Variants in RAPGEF3 observed in about 807,000 individuals in gnomAD.
RAPGEF3 encodes 9330170P05Rik.
Under a neutral mutation model 129.8 loss-of-function variants are expected in RAPGEF3, and 103 were observed. That is an observed-to-expected ratio of 0.79 (90% CI 0.68 to 0.93). The LOEUF (loss-of-function observed/expected upper bound fraction) is 0.93, where lower values mean the gene tolerates loss of function less well. RAPGEF3 is among the 40% of genes least tolerant of loss of function. RAPGEF3 has a pLI of 0.00. For synonymous variants in RAPGEF3, 436 were observed against 482.6 expected (o/e 0.90, Z 1.26); for missense variants, 1,117 against 1,207.4 (o/e 0.93, Z 1.11).
Position 47,749,731 on chromosome 12 carries a change from G to C in RAPGEF3, c.894+10C>G, listed in dbSNP as rs921416706. On this transcript the variant is annotated intron_variant, in intron 9 of 27. Transcript: ENST00000449771. The surrounding 1 kb of genome is among the most constrained non-coding windows in gnomAD (Gnocchi z 4.5). Reference sequence around the variant, plus strand: ...CCAGGGCACTGGGGTGGGGAGGAGGGAGGGCTCACCTTGCCATGGGTCACC... The same window carrying C: ...CCAGGGCACTGGGGTGGGGAGGAGGCAGGGCTCACCTTGCCATGGGTCACC... The C allele has an allele frequency of 6.2e-7, 1 of 1,614,092 alleles. No individual in the cohort carries two copies.
intron 7 of RAPGEF3, among the ~76,000 whole-genome samples, 167 bp downstream of exon 7, chr12:47,750,174 A>T (rs1208178220): frequency 6.6e-6 from 1 of 152,238 alleles, no homozygotes; most frequent in African/African-American, 2.4e-5. Context: ...AGAGAGGCGG[A>T]AGGATTTTCA....
In RAPGEF3 at chr12:47,757,848, C is replaced by G. The variant is rs1205042630; in HGVS notation, c.219+18G>C. On this transcript the variant is annotated intron_variant, in intron 2 of 27. Coordinates refer to ENST00000449771, the MANE Select transcript of RAPGEF3 (RefSeq NM_001098531.4). ...TCTGGTACTGGCCCTGGCACCTGGGCAGGTGAAAGGTACTCACCCAGCGCA... is the reference window on the plus strand; with the variant it reads ...TCTGGTACTGGCCCTGGCACCTGGGGAGGTGAAAGGTACTCACCCAGCGCA... 1.3e-6 allele frequency: 2 copies of G among 1,545,460 alleles called. No individual in the cohort carries two copies. The highest frequency in any genetic ancestry group is 2.7e-5 in the African/African-American group (2 of 73,106).
chr12:47,758,626 CA>C lies in RAPGEF3; in HGVS notation c.-71del. ...CTGGGGGGTCCCCAGCGACCCCCAT[CA>C]GCTTTGATAAGGGGATCCGGAGGGT... On this transcript the variant is annotated 5_prime_UTR_variant, in exon 1 of 28. Coordinates refer to ENST00000449771, the MANE Select transcript of RAPGEF3 (RefSeq NM_001098531.4). 6.2e-7 allele frequency: 1 copy of C among 1,607,332 alleles called. No individual in the cohort carries two copies. The highest frequency in any genetic ancestry group is 8.5e-7 in the Non-Finnish European group (1 of 1,176,334).
In RAPGEF3 at chr12:47,749,325, C is replaced by G; in HGVS notation, c.1041+65G>C. 1 of 1,195,092 alleles carries G rather than the reference C, an allele frequency of 8.4e-7. No homozygotes were observed. The highest frequency in any genetic ancestry group is 1.2e-6 in the Non-Finnish European group (1 of 824,744). The allele number at this position is 1,195,092 out of a possible 1,614,324, so 74.0% of individuals were successfully genotyped here. A position where few individuals can be genotyped will look rare whatever the true frequency, so the allele number is the denominator to read the frequency against. On this transcript the variant is annotated intron_variant, in intron 10 of 27. Coordinates refer to ENST00000449771, the MANE Select transcript of RAPGEF3 (RefSeq NM_001098531.4). This position sits in a 1 kb window ranked among gnomAD's most constrained non-coding sequence, Gnocchi z 4.5. ...TACAGGCCCTCTGCTCTGGTCCCTA[C>G]TCCTCTCTCCACATCACTTCTCTGG... is the stretch of plus-strand genomic sequence containing the variant.
chr12:47,741,247 T>C (rs117510262), intron 19 of RAPGEF3: 10,807 of 740,976 alleles, frequency 0.015, 129 homozygotes, highest in Non-Finnish European at 0.018. Context: ...GGCTCCTGTC[T>C]CCTGGGGAAC....
Position 47,735,561 on chromosome 12 carries a change from A to G in RAPGEF3, c.*2006T>C, listed in dbSNP as rs2240079. The stretch of plus-strand genomic sequence containing the variant: ...GTCTCTCCCAACAGGCTCAAAAGCC[A>G]TCCTGCCCGAGACTGGGGCAGCTGG... On this transcript the variant is annotated 3_prime_UTR_variant, in exon 28 of 28. Transcript: ENST00000449771. 38,316 of 152,366 alleles carry G rather than the reference A, an allele frequency of 0.25. 5,072 individuals are homozygous for G. Among genetic ancestry groups the G allele is most frequent in the Middle Eastern group, 0.33 (97 of 294 alleles). The allele number at this position is 152,366 out of a possible 1,614,324, so 9.4% of individuals were successfully genotyped here.
intron 19 of RAPGEF3, 146 bp downstream of exon 19, chr12:47,741,359 C>T: frequency 1.3e-6 from 1 of 789,168 alleles, no homozygotes; most frequent in Non-Finnish European, 2.1e-6. Flanking sequence ...TCAGCTGAGG[C>T]CCACTCCTTT....
chr12:47,756,736 C>T (rs559115913), intron 2 of RAPGEF3, among the ~76,000 whole-genome samples: 3 of 152,152 alleles, frequency 2.0e-5, no homozygotes, highest in East Asian at 3.9e-4. Flanking sequence ...TTTGGGAGGG[C>T]GAGGTGGGCA....
In RAPGEF3 at chr12:47,740,650, C is replaced by T. The variant is rs1941092548; in HGVS notation, c.2223G>A (p.Leu741=). The T allele has an allele frequency of 6.8e-6, 11 of 1,613,414 alleles. No individual in the cohort carries two copies. Among genetic ancestry groups the T allele is most frequent in the Middle Eastern group, 1.6e-4 (1 of 6,084 alleles). The part of the protein sequence containing the change: ...RAQLLRKFIK[L]AAHLKEQKNL... ...ACTGGACAGGGACTCACTGGGCCGC[C>T]AGCTTAATGAACTTCCTGAGCAGCT... The change falls in exon 21 of 28, where the codon CTG becomes CTA. Residue 741 remains leucine, a synonymous_variant. Coordinates refer to ENST00000449771, the MANE Select transcript of RAPGEF3 (RefSeq NM_001098531.4).
rs767607842 is a variant in RAPGEF3, at chr12:47,750,488, A to G, written c.672-63T>C. 29 of 1,439,516 alleles carry G rather than the reference A, an allele frequency of 2.0e-5. No individual in the cohort carries two copies. In the Middle Eastern group the frequency reaches 2.7e-3, roughly 132 times the overall value. 89.2% of individuals were successfully genotyped at this position (1,439,516 alleles called of 1,614,324 possible). A position where few individuals can be genotyped will look rare whatever the true frequency, so the allele number is the denominator to read the frequency against. On this transcript the variant is annotated intron_variant, in intron 6 of 27. Coordinates refer to ENST00000449771, the MANE Select transcript of RAPGEF3 (RefSeq NM_001098531.4). ...GTGGGCCCGTCAGGTGCAGGGAGCCACTCCACCCACCCAGCCGATGCCTGT... is the reference window on the plus strand; with the variant it reads ...GTGGGCCCGTCAGGTGCAGGGAGCCGCTCCACCCACCCAGCCGATGCCTGT...
chr12:47,739,208 A>G lies in RAPGEF3; in HGVS notation c.2396T>C (p.Val799Ala), dbSNP rs1434320182. ...GAGCTTGGCGAGGGCCAGTCGGTAT[A>G]CCCGGTGGTTCCATGAGGGATCCTA... Reference protein sequence around the residue: ...RLLDPSWNHRVYRLALAKLSP... With the variant: ...RLLDPSWNHRAYRLALAKLSP... Residue 799 changes from valine (V) to alanine (A), a missense_variant, in exon 24 of 28, where the codon GTA becomes GCA. Transcript: ENST00000449771. 1 of 1,611,940 alleles carries G rather than the reference A, an allele frequency of 6.2e-7. No homozygotes were observed. Among genetic ancestry groups the G allele is most frequent in the Non-Finnish European group, 8.5e-7 (1 of 1,178,574 alleles).
intron 1 of RAPGEF3, 48 bp from the exon 2 acceptor site, chr12:47,758,126 G>A (rs760255615): frequency 2.3e-5 from 35 of 1,529,662 alleles, no homozygotes; most frequent in East Asian, 1.2e-4. Context: ...CGACTGGGGC[G>A]GCTGGGCCAC....
chr12:47,747,057 G>A (rs1334768303), intron 15 of RAPGEF3, among the ~76,000 whole-genome samples, 158 bp from the exon 16 acceptor site: 1 of 152,180 alleles, frequency 6.6e-6, no homozygotes, highest in Non-Finnish European at 1.5e-5. Flanking sequence ...ACACGGTCTT[G>A]AAACCAGGCC....
chr12:47,739,491 G>A, intron 23 of RAPGEF3: 1 of 672,354 alleles, frequency 1.5e-6, no homozygotes, highest in South Asian at 1.5e-5. Context: ...TCACCTCTCT[G>A]TCCCTTTCTA....
chr12:47,751,154 G>C lies in RAPGEF3; in HGVS notation c.565C>G (p.Pro189Ala), dbSNP rs1240401480. Residue 189 changes from proline to alanine, a missense_variant, in exon 6 of 28, where the codon CCC becomes GCC. Pro to Ala is a conservative substitution (Grantham distance 27). Transcript: ENST00000449771. ...AQFYRFPGPE[P>A]EPVRTHEMEE... is the part of the protein sequence containing the mutation. ...ATCTCATGAGTTCTCACGGGCTCGG[G>C]CTCGGGCCCGGGGAACCGGTAGAAT... is the stretch of plus-strand genomic sequence containing the variant. 1 of 1,558,344 alleles carries C rather than the reference G, an allele frequency of 6.4e-7. No homozygotes were observed. The highest frequency in any genetic ancestry group is 1.2e-5 in the South Asian group (1 of 84,538).
Position 47,749,755 on chromosome 12 carries a change from C to T in RAPGEF3, c.880G>A (p.Val294Met), listed in dbSNP as rs763247391. The T allele has an allele frequency of 5.6e-6, 9 of 1,614,060 alleles. No homozygotes were observed. The highest frequency in any genetic ancestry group is 1.3e-5 in the African/African-American group (1 of 74,914). Residue 294 changes from valine to methionine, a missense_variant, in exon 9 of 28, where the codon GTG (valine) becomes ATG (methionine). By Grantham distance (21) the Val-to-Met change is conservative (BLOSUM62 1). Coordinates refer to ENST00000449771, the MANE Select transcript of RAPGEF3 (RefSeq NM_001098531.4). The surrounding 1 kb of genome is among the most constrained non-coding windows in gnomAD (Gnocchi z 4.5). Reference sequence around the variant, plus strand: ...GGAGGGCTCACCTTGCCATGGGTCACCACGTTGACAGATCCCTTCCAGATA... The same window carrying T: ...GGAGGGCTCACCTTGCCATGGGTCATCACGTTGACAGATCCCTTCCAGATA... The part of the protein sequence containing the change: ...YIIWKGSVNV[V>M]THGKGLVTTL...
In RAPGEF3 at chr12:47,749,062, C is replaced by T. The variant is rs186006084; in HGVS notation, c.1042-131G>A. On this transcript the variant is annotated intron_variant, in intron 10 of 27. Coordinates refer to ENST00000449771, the MANE Select transcript of RAPGEF3 (RefSeq NM_001098531.4). The surrounding 1 kb of genome is among the most constrained non-coding windows in gnomAD (Gnocchi z 4.5). The stretch of plus-strand genomic sequence containing the variant: ...GGACCCACAGCCCTTCTCCCACCTC[C>T]GACTTTGGCTCCACCTCCTCAGCCT... 1.0e-4 allele frequency: 80 copies of T among 772,336 alleles called. No individual in the cohort carries two copies. Among genetic ancestry groups the T allele is most frequent in the African/African-American group, 5.7e-4 (33 of 57,552 alleles). The allele number at this position is 772,336 out of a possible 1,614,324, so 47.8% of individuals were successfully genotyped here.
At chr12:47,747,519 C>G (rs1156432906) in intron 15 of RAPGEF3, 25 bp downstream of exon 15, 18 of 1,607,816 alleles carry the variant, frequency 1.1e-5, no homozygotes, top group Non-Finnish European at 1.5e-5. Flanking sequence ...ATGGAAATGA[C>G]AAATTAACAG....
At position 47,744,068 on chromosome 12, in the gene RAPGEF3, C is replaced by A; in HGVS notation, c.1597G>T (p.Ala533Ser). Residue 533 changes from alanine (A) to serine (S), a missense_variant and splice_region_variant, in exon 17 of 28, where the codon GCC becomes TCC. Coordinates refer to ENST00000449771, the MANE Select transcript of RAPGEF3 (RefSeq NM_001098531.4). Reference sequence around the variant, plus strand: ...GGGAGCCAAACAGGCAAGTTCCGGGCCTGGGAGGAAGAGGAACGAGAAAAT... The same window carrying A: ...GGGAGCCAAACAGGCAAGTTCCGGGACTGGGAGGAAGAGGAACGAGAAAAT... ...GCGNASPQMK[A>S]RNLPVWLPNQ... 1.3e-6 allele frequency: 2 copies of A among 1,598,086 alleles called. No individual in the cohort carries two copies. Among genetic ancestry groups the A allele is most frequent in the African/African-American group, 1.3e-5 (1 of 74,640 alleles).
Sources: gnomAD v4.1 joint callset for allele counts (sites outside exome capture counted in the v4.1 genomes callset) on GRCh38, gnomAD v4.1.1 for gene constraint, Gnocchi (gnomAD v3.1) non-coding constraint, MANE v1.5 for transcripts, NCBI Gene and HGNC (gene_info 2026-07-23, HGNC 2026-07-21) for gene names.